Variants in LEPROT observed in about 807,000 individuals in gnomAD.
LEPROT encodes leptin receptor overlapping transcript.
Under a neutral mutation model 15.4 loss-of-function variants are expected in LEPROT, and 3 were observed. The observed-to-expected ratio is 0.19, with a 90% CI of 0.09 to 0.50. The LOEUF (loss-of-function observed/expected upper bound fraction) is 0.50, where lower values mean the gene tolerates loss of function less well. Ranked by LOEUF, LEPROT falls within the 20% of genes least tolerant of loss-of-function variation. The probability of loss-of-function intolerance (pLI) is 0.97; values close to 1 mark genes in which losing one functional copy is unlikely to be tolerated. For missense variants in LEPROT, 137 were observed against 162.2 expected (o/e 0.84, Z 0.84); for synonymous variants, 59 against 57.5 (o/e 1.03, Z -0.12).
At chr1:65,427,197 A>G (rs1646394173) in intron 2 of LEPROT, among the ~76,000 whole-genome samples, 1 of 152,198 alleles carries the variant, frequency 6.6e-6, no homozygotes, top group South Asian at 2.1e-4. Context: ...AGCTTTTGGA[A>G]TGTAATACGG....
rs1360881500 is a variant in LEPROT, at chr1:65,434,914, G to C, written c.*2995G>C. The stretch of plus-strand genomic sequence containing the variant: ...AGAAAGCAGATCACACTTCATCACA[G>C]AAAGAATGCCTTGTGATTATCTTCT... On this transcript the variant is annotated 3_prime_UTR_variant, in exon 4 of 4. Transcript: ENST00000371065. 1.0e-6 allele frequency: 1 copy of C among 985,300 alleles called. No individual in the cohort carries two copies. The highest frequency in any genetic ancestry group is 1.2e-6 in the Non-Finnish European group (1 of 829,906). 61.0% of individuals were successfully genotyped at this position (985,300 alleles called of 1,614,324 possible). A position where few individuals can be genotyped will look rare whatever the true frequency, so the allele number is the denominator to read the frequency against.
chr1:65,431,699 G>A (rs1191130805), intron 3 of LEPROT, 104 bp from the exon 4 acceptor site: 2 of 1,201,128 alleles, frequency 1.7e-6, no homozygotes, highest in Admixed American at 4.6e-5. Context: ...TAGCAGCTTT[G>A]TGTAACATTT....
rs1646513013 is a variant in LEPROT, at chr1:65,433,241, A to G, written c.*1322A>G. ...GGCTCTGGCTTCTTCCCGAAGAGAT[A>G]TAGGAGCCATGTAAGCACGCAGTGG... On this transcript the variant is annotated 3_prime_UTR_variant, in exon 4 of 4. Coordinates refer to ENST00000371065, the MANE Select transcript of LEPROT (RefSeq NM_017526.5). 2.0e-6 allele frequency: 2 copies of G among 985,072 alleles called. No individual in the cohort carries two copies. 61.0% of individuals were successfully genotyped at this position (985,072 alleles called of 1,614,324 possible). A position where few individuals can be genotyped will look rare whatever the true frequency, so the allele number is the denominator to read the frequency against.
At chr1:65,425,479 C>G (rs1303132914) in intron 2 of LEPROT, 101 bp downstream of exon 2, 52 of 983,672 alleles carry the variant, frequency 5.3e-5, no homozygotes, top group Non-Finnish European at 5.9e-6. Context: ...AAGTTCTAAC[C>G]AGTGAGTTAG....
At position 65,433,639 on chromosome 1, in the gene LEPROT, A is replaced by G; in HGVS notation, c.*1720A>G. On this transcript the variant is annotated 3_prime_UTR_variant, in exon 4 of 4. Coordinates refer to ENST00000371065, the MANE Select transcript of LEPROT (RefSeq NM_017526.5). ...GCAACGTTATTTTTTGGCCTTGTTC[A>G]TGATTTTATGTTTTCAGTGTCCTGT... is the stretch of plus-strand genomic sequence containing the variant. 2 of 985,434 alleles carry G rather than the reference A, an allele frequency of 2.0e-6. No individual in the cohort carries two copies. The highest frequency in any genetic ancestry group is 4.7e-5 in the South Asian group (1 of 21,290). 61.0% of individuals were successfully genotyped at this position (985,434 alleles called of 1,614,324 possible). A position where few individuals can be genotyped will look rare whatever the true frequency, so the allele number is the denominator to read the frequency against.
At chr1:65,425,454 G>A (rs765588011) in intron 2 of LEPROT, 76 bp downstream of exon 2, 27 of 1,284,688 alleles carry the variant, frequency 2.1e-5, no homozygotes, top group South Asian at 1.4e-4. Context: ...TAGAGAGTTC[G>A]GTCAATTTAG....
intron 2 of LEPROT, among the ~76,000 whole-genome samples, chr1:65,429,508 A>G (rs1391362580): frequency 6.6e-6 from 1 of 152,232 alleles, no homozygotes; most frequent in Non-Finnish European, 1.5e-5. Flanking sequence ...ATCTTTACCG[A>G]ACTAGCTTTT....
intron 3 of LEPROT, among the ~76,000 whole-genome samples, chr1:65,431,186 G>A (rs1479473475): frequency 1.3e-5 from 2 of 152,124 alleles, no homozygotes; most frequent in African/African-American, 4.8e-5. Flanking sequence ...CTTCTTAAGC[G>A]CTGCAGTAAA....
chr1:65,427,732 A>G (rs1415594544), intron 2 of LEPROT: 5 of 369,228 alleles, frequency 1.4e-5, no homozygotes, highest in Admixed American at 9.3e-5. Flanking sequence ...CATTACTGCT[A>G]CTACAAATAA....
At chr1:65,426,958 A>G (rs952217502) in intron 2 of LEPROT, among the ~76,000 whole-genome samples, 1 of 151,972 alleles carries the variant, frequency 6.6e-6, no homozygotes, top group African/African-American at 2.4e-5. Flanking sequence ...AGATCGTGCC[A>G]CTGCACTCTA....
chr1:65,422,891 T>G (rs1255150034), intron 1 of LEPROT, among the ~76,000 whole-genome samples: 1 of 152,092 alleles, frequency 6.6e-6, no homozygotes, highest in African/African-American at 2.4e-5. Context: ...ATATATATAG[T>G]TGAAAGATCA....
Position 65,434,611 on chromosome 1 carries a change from A to G in LEPROT, c.*2692A>G. 1.0e-6 allele frequency: 1 copy of G among 985,448 alleles called. No individual in the cohort carries two copies. The highest frequency in any genetic ancestry group is 1.2e-6 in the Non-Finnish European group (1 of 829,960). 61.0% of individuals were successfully genotyped at this position (985,448 alleles called of 1,614,324 possible). ...TGCCTGAGTTTTGGGTCTCTGAGAC[A>G]GGGTAGTGTGAGTAGTTTGGAGGAA... On this transcript the variant is annotated 3_prime_UTR_variant, in exon 4 of 4. Transcript: ENST00000371065.
chr1:65,423,466 G>A (rs1320307791), intron 1 of LEPROT, among the ~76,000 whole-genome samples: 1 of 152,206 alleles, frequency 6.6e-6, no homozygotes, highest in Non-Finnish European at 1.5e-5. Flanking sequence ...GCAGTACCTA[G>A]CTTTGACAGG....
chr1:65,425,371 G>A lies in LEPROT; in HGVS notation c.85G>A (p.Asp29Asn), dbSNP rs759633343. ...TCTTATGCTGGGATGTGCCTTAGAG[G>A]ATTATGGGTAAGTTATCATTTCAAA... ...TFLMLGCALE[D>N]YGVYWPLFVL... The change falls in exon 2 of 4, where the codon GAT (aspartate) becomes AAT (asparagine). Residue 29 changes from aspartate to asparagine, a missense_variant. Coordinates refer to ENST00000371065, the MANE Select transcript of LEPROT (RefSeq NM_017526.5). 3.1e-6 allele frequency: 5 copies of A among 1,598,582 alleles called. No individual in the cohort carries two copies. Among genetic ancestry groups the A allele is most frequent in the African/African-American group, 2.7e-5 (2 of 73,812 alleles).
Position 65,433,365 on chromosome 1 carries a change from A to T in LEPROT, c.*1446A>T. On this transcript the variant is annotated 3_prime_UTR_variant, in exon 4 of 4. Coordinates refer to ENST00000371065, the MANE Select transcript of LEPROT (RefSeq NM_017526.5). ...GCCACCCTTAAATGAATCATTGGGTATACCTGTCATGTTGGATCCTGTAAT... is the reference window on the plus strand; with the variant it reads ...GCCACCCTTAAATGAATCATTGGGTTTACCTGTCATGTTGGATCCTGTAAT... 1 of 985,450 alleles carries T rather than the reference A, an allele frequency of 1.0e-6. No homozygotes were observed. The highest frequency in any genetic ancestry group is 4.7e-5 in the South Asian group (1 of 21,288). The allele number at this position is 985,450 out of a possible 1,614,324, so 61.0% of individuals were successfully genotyped here.
In LEPROT at chr1:65,432,737, G is replaced by A; in HGVS notation, c.*818G>A. 3.1e-6 allele frequency: 2 copies of A among 651,394 alleles called. No individual in the cohort carries two copies. The highest frequency in any genetic ancestry group is 3.8e-6 in the Non-Finnish European group (2 of 525,198). 40.4% of individuals were successfully genotyped at this position (651,394 alleles called of 1,614,324 possible). A position where few individuals can be genotyped will look rare whatever the true frequency, so the allele number is the denominator to read the frequency against. On this transcript the variant is annotated 3_prime_UTR_variant, in exon 4 of 4. Transcript: ENST00000371065. ...GGAATAAGTGTGATTTTTTTTTAAA[G>A]ATCACTTGCACAGCATGCTAAATAT...
intron 1 of LEPROT, chr1:65,421,420 C>T: frequency 1.3e-6 from 2 of 1,535,998 alleles, no homozygotes; most frequent in Non-Finnish European, 1.7e-6. Context: ...CAGAGCAATG[C>T]GAGACGGAAA....
chr1:65,427,666 A>G, intron 2 of LEPROT: 1 of 171,012 alleles, frequency 5.8e-6, no homozygotes. Flanking sequence ...CCAACTGTAA[A>G]TCTAGGAGTT....
In LEPROT at chr1:65,434,918, G is replaced by A; in HGVS notation, c.*2999G>A. The A allele has an allele frequency of 5.1e-6, 5 of 985,418 alleles. No individual in the cohort carries two copies. Among genetic ancestry groups the A allele is most frequent in the Non-Finnish European group, 6.0e-6 (5 of 829,912 alleles). The allele number at this position is 985,418 out of a possible 1,614,324, so 61.0% of individuals were successfully genotyped here. A position where few individuals can be genotyped will look rare whatever the true frequency, so the allele number is the denominator to read the frequency against. The stretch of plus-strand genomic sequence containing the variant: ...AGCAGATCACACTTCATCACAGAAA[G>A]AATGCCTTGTGATTATCTTCTCCAC... On this transcript the variant is annotated 3_prime_UTR_variant, in exon 4 of 4. Coordinates refer to ENST00000371065, the MANE Select transcript of LEPROT (RefSeq NM_017526.5).
Sources: allele counts gnomAD v4.1 joint callset (sites outside exome capture counted in the v4.1 genomes callset), GRCh38; gene constraint gnomAD v4.1.1; transcripts MANE v1.5; gene names NCBI Gene and HGNC (gene_info 2026-07-23, HGNC 2026-07-21).